The following CORO2A variants were observed in gnomAD, a reference collection of about 807,000 sequenced individuals.
CORO2A encodes the protein coronin-2A.
In CORO2A, 47 loss-of-function variants were observed where a neutral mutation model predicts 62.4. The observed-to-expected ratio is 0.75, with a 90% CI of 0.60 to 0.96. The LOEUF is 0.96. Ranked by LOEUF, CORO2A falls within the 40% of genes least tolerant of loss-of-function variation. The pLI is 0.00. For synonymous variants in CORO2A, 273 were observed against 268.9 expected (o/e 1.02, Z -0.15); for missense variants, 610 against 684.1 (o/e 0.89, Z 1.21).
chr9:98,178,295 C>A (rs2118926198), intron 1 of CORO2A, among the ~76,000 whole-genome samples: 1 of 152,334 alleles, frequency 6.6e-6, no homozygotes, highest in African/African-American at 2.4e-5. Flanking sequence ...GATCCTCTCG[C>A]CTTGGCCTCC....
chr9:98,140,965 T>G (rs2050983), intron 2 of CORO2A, among the ~76,000 whole-genome samples: 41,152 of 152,040 alleles, frequency 0.27, 5,709 homozygotes, highest in African/African-American at 0.31. Flanking sequence ...TAAACTTATA[T>G]AAGTTGATAA....
intron 2 of CORO2A, among the ~76,000 whole-genome samples, chr9:98,140,638 T>A (rs1827552784): frequency 6.6e-6 from 1 of 152,070 alleles, no homozygotes; most frequent in South Asian, 2.1e-4. Context: ...AGAGATGGGG[T>A]CTTGCTATGT....
intron 7 of CORO2A, among the ~76,000 whole-genome samples, 196 bp from the exon 8 acceptor site, chr9:98,130,086 G>C (rs1827383462): frequency 6.6e-6 from 1 of 152,058 alleles, no homozygotes; most frequent in Non-Finnish European, 1.5e-5. Context: ...TTTTATTTTA[G>C]ATTTTATCTT....
chr9:98,186,151 C>T (rs1373690736), intron 1 of CORO2A, among the ~76,000 whole-genome samples: 3 of 152,172 alleles, frequency 2.0e-5, no homozygotes, highest in African/African-American at 4.8e-5. Context: ...TGCTCAGCTC[C>T]CGATTTCTTA....
chr9:98,158,836 A>AACACAC (rs34090994), intron 1 of CORO2A, among the ~76,000 whole-genome samples: 31,505 of 149,228 alleles, frequency 0.21, 4,197 homozygotes, highest in East Asian at 0.56. Flanking sequence ...AAAAGAAGAA[A>AACACAC]ACACACACAC....
At chr9:98,138,822 G>A (rs1225054282) in intron 2 of CORO2A, among the ~76,000 whole-genome samples, 3 of 152,074 alleles carry the variant, frequency 2.0e-5, no homozygotes, top group East Asian at 1.9e-4. Context: ...GCCGAGGCGG[G>A]TGGATCACGA....
At chr9:98,127,701 C>T (rs1229141525) in intron 10 of CORO2A, among the ~76,000 whole-genome samples, 1 of 150,948 alleles carries the variant, frequency 6.6e-6, no homozygotes, top group Non-Finnish European at 1.5e-5. Flanking sequence ...GTAGTCCCAG[C>T]TACTCAGGAG....
intron 1 of CORO2A, among the ~76,000 whole-genome samples, chr9:98,181,663 C>T (rs767399181): frequency 5.3e-5 from 8 of 152,200 alleles, no homozygotes; most frequent in Admixed American, 1.3e-4. Context: ...CTGTTTCCTC[C>T]AGCCGGAGGG....
chr9:98,189,246 A>C (rs12346761), intron 1 of CORO2A, among the ~76,000 whole-genome samples: 11,649 of 152,292 alleles, frequency 0.076, 619 homozygotes, highest in Non-Finnish European at 0.11. Flanking sequence ...TGACCACAGA[A>C]GCAAAGTCAC....
At chr9:98,176,711 G>T (rs1021570903) in intron 1 of CORO2A, among the ~76,000 whole-genome samples, 5 of 152,092 alleles carry the variant, frequency 3.3e-5, no homozygotes, top group African/African-American at 1.2e-4. Context: ...CTGCAGATGG[G>T]GGCTGAGAAC....
intron 1 of CORO2A, among the ~76,000 whole-genome samples, chr9:98,180,133 G>A (rs1406906524): frequency 2.6e-5 from 4 of 152,144 alleles, no homozygotes; most frequent in African/African-American, 9.7e-5. Context: ...TCCCTGACAG[G>A]GCAGGCTGCA....
chr9:98,154,329 G>GTGTATATATATATATATA (rs1439685527), intron 2 of CORO2A, among the ~76,000 whole-genome samples: 6 of 88,952 alleles, frequency 6.7e-5, no homozygotes, highest in South Asian at 3.4e-4. Flanking sequence ...GTGTTTGTGT[G>GTGTATATATATATATATA]TATATATATA....
chr9:98,189,294 C>T (rs1307469984), intron 1 of CORO2A, among the ~76,000 whole-genome samples: 1 of 152,168 alleles, frequency 6.6e-6, no homozygotes, highest in Non-Finnish European at 1.5e-5. Flanking sequence ...GATTGCAAAG[C>T]ACGTCCAATC....
At chr9:98,141,766 T>C (rs1173183314) in intron 2 of CORO2A, among the ~76,000 whole-genome samples, 2 of 152,204 alleles carry the variant, frequency 1.3e-5, no homozygotes, top group East Asian at 3.8e-4. Flanking sequence ...TGCAAGCCTC[T>C]TTTTCCTCAT....
chr9:98,134,737 C>A, intron 4 of CORO2A, 69 bp downstream of exon 4: 1 of 1,483,718 alleles, frequency 6.7e-7, no homozygotes, highest in Non-Finnish European at 9.0e-7. Flanking sequence ...TGACAGAATA[C>A]ATTTCCATTG....
Position 98,157,621 on chromosome 9 carries a change from G to C in CORO2A, c.40C>G (p.His14Asp), listed in dbSNP as rs1341734032. 1 of 1,613,972 alleles carries C rather than the reference G, an allele frequency of 6.2e-7. No individual in the cohort carries two copies. The highest frequency in any genetic ancestry group is 1.1e-5 in the South Asian group (1 of 91,080). Residue 14 changes from histidine to aspartate, a missense_variant, in exon 2 of 12, where the codon CAT becomes GAT. Coordinates refer to ENST00000375077, the MANE Select transcript of CORO2A (RefSeq NM_052820.4). The stretch of plus-strand genomic sequence containing the variant: ...TTGCTGGCTGGTTTGCCAAAGACAT[G>C]ACGGAACTTGGAGCTCCGGTACTGG... Reference protein sequence around the residue: ...HPQYRSSKFRHVFGKPASKEN... With the variant: ...HPQYRSSKFRDVFGKPASKEN...
At chr9:98,135,370 TA>T (rs1298942100) in intron 3 of CORO2A, among the ~76,000 whole-genome samples, 1 of 152,194 alleles carries the variant, frequency 6.6e-6, no homozygotes, top group East Asian at 1.9e-4. Flanking sequence ...ATGAAGGGTT[TA>T]GGCTGCATCC....
At chr9:98,157,784 G>A (rs1345535851) in intron 1 of CORO2A, 124 bp from the exon 2 acceptor site, 7 of 812,954 alleles carry the variant, frequency 8.6e-6, no homozygotes, top group Non-Finnish European at 1.4e-5. Context: ...CAACGTGGAC[G>A]GTGATGCACT....
chr9:98,186,298 T>C (rs1265719588), intron 1 of CORO2A, among the ~76,000 whole-genome samples: 1 of 151,868 alleles, frequency 6.6e-6, no homozygotes, highest in Non-Finnish European at 1.5e-5. Flanking sequence ...AGGGGCTAGG[T>C]TTGGGGGATG....
Sources: gnomAD v4.1 joint callset for allele counts (sites outside exome capture counted in the v4.1 genomes callset) on GRCh38, gnomAD v4.1.1 for gene constraint, MANE v1.5 for transcripts, NCBI Gene and HGNC (gene_info 2026-07-23, HGNC 2026-07-21) for gene names.